Variants in CENPC observed in about 807,000 individuals in gnomAD.
CENPC encodes the protein centromere protein C.
In CENPC, 63 loss-of-function variants were observed where a neutral mutation model predicts 112.1. That is an observed-to-expected ratio of 0.56 (90% CI 0.46 to 0.69). CENPC has a LOEUF of 0.69. CENPC is among the 30% of genes least tolerant of loss of function. The pLI is 0.00. For missense variants in CENPC, 1,000 were observed against 1,103.8 expected, an observed-to-expected ratio of 0.91 and a Z score of 1.33; for synonymous variants, 333 against 367.6, an observed-to-expected ratio of 0.91 and a Z score of 1.08.
At chr4:67,508,777 A>G in intron 10 of CENPC, 37 bp downstream of exon 10, 4 of 1,576,998 alleles carry the variant, frequency 2.5e-6, no homozygotes, top group Non-Finnish European at 3.4e-6. Context: ...ATGCTGAACA[A>G]CAAAAGTAAC....
intron 3 of CENPC, among the ~76,000 whole-genome samples, chr4:67,540,375 T>C (rs1347984210): frequency 1.3e-5 from 2 of 152,220 alleles, no homozygotes; most frequent in African/African-American, 2.4e-5. Flanking sequence ...ATTTTCATTA[T>C]ATATTTTTTC....
Position 67,492,948 on chromosome 4 carries a change from T to G in CENPC, c.2340A>C (p.Lys780Asn). 6.4e-7 allele frequency: 1 copy of G among 1,557,664 alleles called. No homozygotes were observed. The highest frequency in any genetic ancestry group is 8.7e-7 in the Non-Finnish European group (1 of 1,150,254). The change falls in exon 15 of 19, where the codon AAA becomes AAC. Residue 780 changes from lysine (K) to asparagine (N), a missense_variant. By Grantham distance (94) the Lys-to-Asn change is moderately conservative. Coordinates refer to ENST00000273853, the MANE Select transcript of CENPC (RefSeq NM_001812.4). Reference sequence around the variant, plus strand: ...TTCCAATATTTTCTTTTGCCTTCCTTTTAGACGATATTGTGTCTGGAGATA... The same window carrying G: ...TTCCAATATTTTCTTTTGCCTTCCTGTTAGACGATATTGTGTCTGGAGATA... ...GVLSPDTISSKRKAKENIGKV... is the reference protein window; with the variant it reads ...GVLSPDTISSNRKAKENIGKV...
At chr4:67,517,197 T>A (rs572958702) in intron 7 of CENPC, among the ~76,000 whole-genome samples, 4 of 151,974 alleles carry the variant, frequency 2.6e-5, no homozygotes, top group African/African-American at 9.7e-5. Flanking sequence ...AGTCTCACTC[T>A]GTCACCTAGG....
rs192353957 is a variant in CENPC at position 67,541,113 on chromosome 4, T to C, written c.66-63A>G. Reference sequence around the variant, plus strand: ...ATATTTCTTTATATTACCATCTCTTTGAAAATTCCACATCTCATTATAAAA... The same window carrying C: ...ATATTTCTTTATATTACCATCTCTTCGAAAATTCCACATCTCATTATAAAA... On this transcript the variant is annotated intron_variant, in intron 2 of 18. Coordinates refer to ENST00000273853, the MANE Select transcript of CENPC (RefSeq NM_001812.4). 127 of 1,008,070 alleles carry C rather than the reference T, an allele frequency of 1.3e-4. 1 individual carries two copies. In the African/African-American group the frequency reaches 1.9e-3, roughly 15 times the overall value. 62.4% of individuals were successfully genotyped at this position (1,008,070 alleles called of 1,614,324 possible). A position where few individuals can be genotyped will look rare whatever the true frequency, so the allele number is the denominator to read the frequency against.
At chr4:67,541,181 A>G (rs879279572) in intron 2 of CENPC, 131 bp from the exon 3 acceptor site, 59 of 614,566 alleles carry the variant, frequency 9.6e-5, no homozygotes, top group East Asian at 3.5e-4. Flanking sequence ...CTATTTGAAG[A>G]CAAAACAAGT....
chr4:67,495,179 T>C lies in CENPC; in HGVS notation c.2165A>G (p.Asn722Ser). ...DSKQSKVIPK[N>S]RIHHKLVLPS... ...CTTACCTAGTTTGTGATGGATTCTG[T>C]TCTTTGGTATCACTTTAGATTGTTT... Residue 722 changes from asparagine to serine, a missense_variant, in exon 13 of 19, where the codon AAC becomes AGC. Physicochemically the swap from Asn to Ser is conservative, Grantham distance 46. Coordinates refer to ENST00000273853, the MANE Select transcript of CENPC (RefSeq NM_001812.4). 6.5e-7 allele frequency: 1 copy of C among 1,531,602 alleles called. No individual in the cohort carries two copies. 94.9% of individuals were successfully genotyped at this position (1,531,602 alleles called of 1,614,324 possible). A position where few individuals can be genotyped will look rare whatever the true frequency, so the allele number is the denominator to read the frequency against.
chr4:67,479,157 A>G (rs921436863), intron 17 of CENPC, among the ~76,000 whole-genome samples: 16 of 152,230 alleles, frequency 1.1e-4, no homozygotes, highest in African/African-American at 3.4e-4. Flanking sequence ...AGCAGTAAAC[A>G]GGTCATCAAG....
chr4:67,517,230 C>T (rs1186153331), intron 7 of CENPC, among the ~76,000 whole-genome samples: 1 of 151,748 alleles, frequency 6.6e-6, no homozygotes, highest in Non-Finnish European at 1.5e-5. Context: ...GGCACCGTCT[C>T]GACTCACTGC....
intron 5 of CENPC, among the ~76,000 whole-genome samples, chr4:67,529,209 T>C (rs1428584764): frequency 6.6e-6 from 1 of 152,226 alleles, no homozygotes; most frequent in East Asian, 1.9e-4. Context: ...GTAGAAGTTC[T>C]TTATATATTC....
intron 4 of CENPC, among the ~76,000 whole-genome samples, chr4:67,535,825 T>C (rs1273102287): frequency 6.6e-6 from 1 of 151,822 alleles, no homozygotes; most frequent in East Asian, 1.9e-4. Flanking sequence ...TAGCAAAGAC[T>C]GGGAAAAAAA....
intron 1 of CENPC, 67 bp from the exon 2 acceptor site, chr4:67,544,262 G>GT: frequency 1.1e-6 from 1 of 875,606 alleles, no homozygotes; most frequent in Non-Finnish European, 1.9e-6. Flanking sequence ...TATTTTCAAA[G>GT]TAACTTCATC....
At chr4:67,536,925 T>C (rs1726734815) in intron 4 of CENPC, among the ~76,000 whole-genome samples, 1 of 151,404 alleles carries the variant, frequency 6.6e-6, no homozygotes, top group African/African-American at 2.4e-5. Flanking sequence ...GGCATGTGAC[T>C]TACGAGCAGT....
At chr4:67,543,351 T>C (rs956432255) in intron 2 of CENPC, among the ~76,000 whole-genome samples, 1 of 152,176 alleles carries the variant, frequency 6.6e-6, no homozygotes, top group African/African-American at 2.4e-5. Flanking sequence ...AGTCTTTAAA[T>C]ACCTGTTCAA....
At chr4:67,495,311 A>G (rs1560425368) in intron 12 of CENPC, 99 bp from the exon 13 acceptor site, 5 of 1,135,678 alleles carry the variant, frequency 4.4e-6, no homozygotes, top group Non-Finnish European at 6.1e-6. Flanking sequence ...TATTTTAAAT[A>G]AAGTTTGACC....
In CENPC at chr4:67,505,246, C is replaced by G; in HGVS notation, c.2090G>C (p.Gly697Ala). 1 of 1,581,632 alleles carries G rather than the reference C, an allele frequency of 6.3e-7. No homozygotes were observed. The highest frequency in any genetic ancestry group is 2.3e-5 in the East Asian group (1 of 43,964). Reference protein sequence around the residue: ...SRLNNNYLMSGKNDVDDEEVH... With the variant: ...SRLNNNYLMSAKNDVDDEEVH... ...TTCCTCATCATCCACATCATTCTTT[C>G]CAGACATTAAATAATTATTATTGAG... is the stretch of plus-strand genomic sequence containing the variant. Residue 697 changes from glycine (G) to alanine (A), a missense_variant, in exon 12 of 19, where the codon GGA becomes GCA. Transcript: ENST00000273853.
intron 5 of CENPC, among the ~76,000 whole-genome samples, chr4:67,521,771 A>G (rs1423834589): frequency 2.6e-5 from 4 of 152,256 alleles, no homozygotes; most frequent in African/African-American, 9.6e-5. Context: ...GTATACACAT[A>G]CAATGAAATA....
intron 10 of CENPC, among the ~76,000 whole-genome samples, chr4:67,507,533 C>G (rs965155288): frequency 4.6e-5 from 7 of 152,086 alleles, no homozygotes; most frequent in African/African-American, 1.4e-4. Flanking sequence ...AATGGACAAA[C>G]TCCTAGAAAG....
rs1344661633 is a variant in CENPC at position 67,492,628 on chromosome 4, G to C, written c.2419+241C>G. 1.4e-5 allele frequency: 8 copies of C among 575,346 alleles called. No homozygotes were observed. In the South Asian group the frequency reaches 2.3e-4, roughly 17 times the overall value. The allele number at this position is 575,346 out of a possible 1,614,324, so 35.6% of individuals were successfully genotyped here. On this transcript the variant is annotated intron_variant, in intron 15 of 18. Coordinates refer to ENST00000273853, the MANE Select transcript of CENPC (RefSeq NM_001812.4). ...CATAGCTTGGGCATAGGAATGGTGG[G>C]TTTCATTTGACTGGGAAATTTACTC...
At chr4:67,510,868 C>T in intron 9 of CENPC, 1 of 395,058 alleles carries the variant, frequency 2.5e-6, no homozygotes, top group Admixed American at 2.9e-5. Context: ...TTTCGACTCC[C>T]AGCTTGATCA....
Sources: allele counts gnomAD v4.1 joint callset (sites outside exome capture counted in the v4.1 genomes callset), GRCh38; gene constraint gnomAD v4.1.1; transcripts MANE v1.5; gene names NCBI Gene and HGNC (gene_info 2026-07-23, HGNC 2026-07-21).